Variants in PEX5 observed in about 807,000 individuals in gnomAD.
PEX5 encodes the protein peroxisomal biogenesis factor 5.
PEX5 carries 52 observed loss-of-function variants against 82.9 expected under a neutral mutation model. That is an observed-to-expected ratio of 0.63 (90% CI 0.50 to 0.79). The LOEUF is 0.79. Among genes scored for constraint, PEX5 ranks in the 30% least tolerant of loss-of-function variants. The pLI is 0.00. For synonymous variants in PEX5, 300 were observed against 318.8 expected (o/e 0.94, Z 0.63); for missense variants, 719 against 815.2 (o/e 0.88, Z 1.44).
At chr12:7,211,666 A>C (rs956519916), downstream of PEX5, among the ~76,000 whole-genome samples, 1 of 152,208 alleles carries the variant, frequency 6.6e-6, no homozygotes, top group African/African-American at 2.4e-5. Flanking sequence ...CAGGAGAAAG[A>C]GATGTCGATA....
chr12:7,193,665 T>C (rs1420739115), intron 5 of PEX5, among the ~76,000 whole-genome samples: 1 of 152,206 alleles, frequency 6.6e-6, no homozygotes, highest in African/African-American at 2.4e-5. Context: ...GAGGCTTCTG[T>C]TGTAATGTGG....
rs1371642664 is a variant in PEX5, at chr12:7,197,105, A to G, written c.449-1906A>G. Among the ~76,000 whole-genome samples, 2 of 48,608 alleles carry G rather than the reference A, an allele frequency of 4.1e-5. 1 individual carries two copies. The highest frequency in any genetic ancestry group is 1.1e-4 in the African/African-American group (2 of 18,384). The allele number at this position is 48,608 out of a possible 152,430, so 31.9% of individuals were successfully genotyped here. ...TATGTCACATATAATGTAATTATAT[A>G]TGTCATATAATGTAATAATATATGT... On this transcript the variant is annotated intron_variant, in intron 5 of 15. Coordinates refer to ENST00000675855, the MANE Select transcript of PEX5 (RefSeq NM_001351132.2).
At chr12:7,196,415 TGTA>T (rs1942261384) in intron 5 of PEX5, among the ~76,000 whole-genome samples, 1 of 139,604 alleles carries the variant, frequency 7.2e-6, no homozygotes, top group South Asian at 2.3e-4. Flanking sequence ...TCATATATAA[TGTA>T]ATAATTATAT....
chr12:7,194,185 G>A (rs886879870), intron 5 of PEX5, among the ~76,000 whole-genome samples: 3 of 151,956 alleles, frequency 2.0e-5, no homozygotes, highest in Non-Finnish European at 4.4e-5. Flanking sequence ...GATGAAAGAA[G>A]GTTATACTTT....
At chr12:7,190,337 G>C in intron 1 of PEX5, 25 bp from the exon 2 acceptor site, 1 of 1,613,216 alleles carries the variant, frequency 6.2e-7, no homozygotes, top group Non-Finnish European at 8.5e-7. Flanking sequence ...GGGTACCTCA[G>C]TTCCAAACCT....
intron 10 of PEX5, among the ~76,000 whole-genome samples, chr12:7,207,195 A>T (rs1944910998): frequency 6.6e-6 from 1 of 152,212 alleles, no homozygotes; most frequent in South Asian, 2.1e-4. Context: ...CTCTGAGCTA[A>T]GTAAGAGTTA....
At chr12:7,204,879 T>A (rs1390571057) in intron 10 of PEX5, among the ~76,000 whole-genome samples, 1 of 152,046 alleles carries the variant, frequency 6.6e-6, no homozygotes, top group Non-Finnish European at 1.5e-5. Flanking sequence ...AATTTTTTTT[T>A]AGAAAAAAAA....
intron 6 of PEX5, among the ~76,000 whole-genome samples, chr12:7,199,648 C>A (rs1316947394): frequency 6.6e-6 from 1 of 150,874 alleles, no homozygotes; most frequent in Non-Finnish European, 1.5e-5. Flanking sequence ...CAATCTTTTC[C>A]CCACCTTTCC....
At chr12:7,195,052 T>C (rs1033744214) in intron 5 of PEX5, among the ~76,000 whole-genome samples, 3 of 152,166 alleles carry the variant, frequency 2.0e-5, no homozygotes, top group African/African-American at 7.2e-5. Flanking sequence ...GGAGTTAGGA[T>C]TTAAATGTGG....
chr12:7,194,226 A>C (rs1941700423), intron 5 of PEX5, among the ~76,000 whole-genome samples: 1 of 152,180 alleles, frequency 6.6e-6, no homozygotes, highest in South Asian at 2.1e-4. Context: ...CTCCACTGTT[A>C]AGAGTCAAAA....
Position 7,208,645 on chromosome 12 carries a change from G to C in PEX5, c.1370G>C (p.Arg457Pro). 1.2e-6 allele frequency: 2 copies of C among 1,613,752 alleles called. No homozygotes were observed. The highest frequency in any genetic ancestry group is 1.7e-6 in the Non-Finnish European group (2 of 1,179,790). The change falls in exon 13 of 16, where the codon CGT becomes CCT. Residue 457 changes from arginine (R) to proline (P), a missense_variant. Physicochemically the swap from Arg to Pro is moderately radical, Grantham distance 103 (BLOSUM62 -2). Transcript: ENST00000675855. ...AGGAGLGPSK[R>P]ILGSLLSDSL... ...GGGGCAGGACTGGGCCCCAGCAAGC[G>C]TATCCTGGGATCTCTCTTGTCTGAG...
chr12:7,210,368 T>G lies in PEX5; in HGVS notation c.*145T>G. 1.4e-6 allele frequency: 1 copy of G among 729,888 alleles called. No homozygotes were observed. Among genetic ancestry groups the G allele is most frequent in the Non-Finnish European group, 2.4e-6 (1 of 410,012 alleles). The allele number at this position is 729,888 out of a possible 1,614,324, so 45.2% of individuals were successfully genotyped here. On this transcript the variant is annotated 3_prime_UTR_variant, in exon 16 of 16. Coordinates refer to ENST00000675855, the MANE Select transcript of PEX5 (RefSeq NM_001351132.2). ...TTCAGGAGCTGCCTCAACGTAGGGG[T>G]GGGTAGTCTGTGTTCTAGTTCCTAC...
At chr12:7,199,459 G>A (rs1269777477) in intron 6 of PEX5, among the ~76,000 whole-genome samples, 2 of 150,014 alleles carry the variant, frequency 1.3e-5, no homozygotes, top group South Asian at 2.2e-4. Context: ...ATCTTGCACC[G>A]CCCTTAATCC....
At chr12:7,198,868 C>T in intron 5 of PEX5, 143 bp from the exon 6 acceptor site, 1 of 612,444 alleles carries the variant, frequency 1.6e-6, no homozygotes, top group African/African-American at 1.8e-5. Context: ...TTCTTTTGAC[C>T]AGGGGTTTCT....
chr12:7,213,848 A>C (rs1320801876), downstream of PEX5, among the ~76,000 whole-genome samples: 1 of 151,168 alleles, frequency 6.6e-6, no homozygotes, highest in African/African-American at 2.4e-5. Flanking sequence ...GCTAATATCC[A>C]GAATCTACAA....
Position 7,206,832 on chromosome 12 carries a change from A to G in PEX5, c.967-827A>G, listed in dbSNP as rs764337591. On this transcript the variant is annotated intron_variant, in intron 10 of 15. Coordinates refer to ENST00000675855, the MANE Select transcript of PEX5 (RefSeq NM_001351132.2). ...TTGCATCTTGTTTTCGTTCTGGTGT[A>G]TTATTTTATGATGGTAACTACTCTC... 2.0e-5 allele frequency among the ~76,000 whole-genome samples: 3 copies of G among 152,278 alleles called. No individual in the cohort carries two copies. The South Asian group carries it at 6.2e-4, about 32-fold the overall frequency.
At chr12:7,203,201 CTG>C (rs1944347487) in intron 9 of PEX5, among the ~76,000 whole-genome samples, 1 of 12,620 alleles carries the variant, frequency 7.9e-5, no homozygotes. Context: ...CTGCACTGCA[CTG>C]CACTGCACTG....
intron 8 of PEX5, 102 bp downstream of exon 8, chr12:7,202,453 T>C: frequency 6.7e-7 from 1 of 1,486,582 alleles, no homozygotes; most frequent in Non-Finnish European, 9.3e-7. Flanking sequence ...TAAGACCAGC[T>C]TGTCTTGATA....
In PEX5 at chr12:7,200,349, G is replaced by A. The variant is rs1943631784; in HGVS notation, c.551+1236G>A. Among the ~76,000 whole-genome samples the A allele has an allele frequency of 3.3e-5, 5 of 150,186 alleles. No homozygotes were observed. The South Asian group carries it at 8.4e-4, about 25-fold the overall frequency. ...GATGGGATGGCGGCTGGGAAGAGGC[G>A]CTCCTCACTTCCTAGATGGGATGGC... is the stretch of plus-strand genomic sequence containing the variant. On this transcript the variant is annotated intron_variant, in intron 6 of 15. Coordinates refer to ENST00000675855, the MANE Select transcript of PEX5 (RefSeq NM_001351132.2).
Sources: allele counts gnomAD v4.1 joint callset (sites outside exome capture counted in the v4.1 genomes callset), GRCh38; gene constraint gnomAD v4.1.1; transcripts MANE v1.5; gene names NCBI Gene and HGNC (gene_info 2026-07-23, HGNC 2026-07-21).